The following BICD1 variants were observed in gnomAD, a reference collection of about 807,000 sequenced individuals.
BICD1 encodes the protein protein bicaudal D homolog 1.
Under a neutral mutation model 92.5 loss-of-function variants are expected in BICD1, and 35 were observed. The ratio of observed to expected loss-of-function variants is 0.38; its 90% CI spans 0.29 to 0.50. The LOEUF is 0.50. Among genes scored for constraint, BICD1 ranks in the 20% least tolerant of loss-of-function variants. BICD1 has a pLI of 0.93. For missense variants in BICD1, 950 were observed against 1,189.8 expected (o/e 0.80, Z 2.97); for synonymous variants, 429 against 465.1 (o/e 0.92, Z 1.00).
intron 8 of BICD1, among the ~76,000 whole-genome samples, chr12:32,359,397 G>C (rs1315223850): frequency 6.6e-6 from 1 of 152,086 alleles, no homozygotes; most frequent in Non-Finnish European, 1.5e-5. Flanking sequence ...TCTTGCTGGT[G>C]GGGACTCTGC....
At chr12:32,255,901 TAATC>T (rs1324194974) in intron 2 of BICD1, among the ~76,000 whole-genome samples, 2 of 152,208 alleles carry the variant, frequency 1.3e-5, no homozygotes, top group African/African-American at 4.8e-5. Context: ...ATATTACCCT[TAATC>T]AATGTTGACT....
At chr12:32,137,288 C>G in intron 1 of BICD1, among the ~76,000 whole-genome samples, 1 of 152,112 alleles carries the variant, frequency 6.6e-6, no homozygotes, top group East Asian at 1.9e-4. Flanking sequence ...AGGGTTTTGC[C>G]GTGTTTGCCA....
chr12:32,225,023 C>A (rs78761591), intron 2 of BICD1, among the ~76,000 whole-genome samples: 10,943 of 152,196 alleles, frequency 0.072, 445 homozygotes, highest in Middle Eastern at 0.12. Context: ...TAAATAGATT[C>A]ATATAGCCAC....
intron 1 of BICD1, among the ~76,000 whole-genome samples, chr12:32,144,725 T>C (rs1235419960): frequency 1.3e-5 from 2 of 152,242 alleles, no homozygotes; most frequent in African/African-American, 2.4e-5. Context: ...ACCTTTTATA[T>C]AGCAAGTTAA....
chr12:32,337,912 GAAGCA>G lies in BICD1; in HGVS notation c.2570+99_2570+103del, dbSNP rs767510760. On this transcript the variant is annotated intron_variant, in intron 7 of 9. Transcript: ENST00000652176. This position sits in a 1 kb window ranked among gnomAD's most constrained non-coding sequence, Gnocchi z 4.7. The stretch of plus-strand genomic sequence containing the variant: ...TCTTGTTGTGGAGGATGGAGGAGGG[GAAGCA>G]AAAGAAAAAATGGGAGCTGGCATAT... 3.2e-5 allele frequency: 45 copies of G among 1,398,996 alleles called. No homozygotes were observed. The highest frequency in any genetic ancestry group is 5.0e-5 in the South Asian group (4 of 79,682). 86.7% of individuals were successfully genotyped at this position (1,398,996 alleles called of 1,614,324 possible).
intron 1 of BICD1, among the ~76,000 whole-genome samples, chr12:32,130,343 A>ACAGG (rs1942497215): frequency 6.6e-6 from 1 of 152,016 alleles, no homozygotes; most frequent in Non-Finnish European, 1.5e-5. Context: ...AGCTGGGACT[A>ACAGG]CAGGCGCCTG....
intron 1 of BICD1, among the ~76,000 whole-genome samples, chr12:32,185,461 A>T (rs1471531180): frequency 6.6e-6 from 1 of 152,196 alleles, no homozygotes; most frequent in African/African-American, 2.4e-5. Flanking sequence ...ACACTATTCC[A>T]TGTCACTGTC....
At chr12:32,287,299 T>A (rs79042627) in intron 2 of BICD1, among the ~76,000 whole-genome samples, 2,191 of 152,292 alleles carry the variant, frequency 0.014, 47 homozygotes, top group African/African-American at 0.05. Flanking sequence ...ATAGTTTTTT[T>A]AAATTATATC....
chr12:32,227,706 C>G (rs1283330240), intron 2 of BICD1: 1 of 162,788 alleles, frequency 6.1e-6, no homozygotes, highest in Middle Eastern at 2.4e-3. Flanking sequence ...TGGCAACTGG[C>G]AGAGGAAAGA....
chr12:32,118,987 G>C (rs548227515), intron 1 of BICD1, among the ~76,000 whole-genome samples: 1 of 152,312 alleles, frequency 6.6e-6, no homozygotes, highest in African/African-American at 2.4e-5. Flanking sequence ...TCAGTTGTGA[G>C]AGGTGCCATG....
intron 4 of BICD1, 70 bp downstream of exon 4, chr12:32,306,192 T>C: frequency 1.5e-6 from 2 of 1,359,570 alleles, no homozygotes; most frequent in Non-Finnish European, 2.0e-6. Context: ...GTGGGACTTC[T>C]GATTCTCGCA....
chr12:32,284,134 T>A (rs1947495029), intron 2 of BICD1, among the ~76,000 whole-genome samples: 1 of 151,904 alleles, frequency 6.6e-6, no homozygotes, highest in Non-Finnish European at 1.5e-5. Flanking sequence ...AAAAGAAGAG[T>A]TCATTTTTGG....
chr12:32,134,495 A>G lies in BICD1; in HGVS notation c.213+26951A>G, dbSNP rs186008804. The stretch of plus-strand genomic sequence containing the variant: ...AGAGGTCAACTTAATATAAAAAAAG[A>G]CCTTCTCTAATGTCTAAGAGCAGAG... On this transcript the variant is annotated intron_variant, in intron 1 of 9. Transcript: ENST00000652176. 1.3e-4 allele frequency among the ~76,000 whole-genome samples: 20 copies of G among 152,324 alleles called. No individual in the cohort carries two copies. In the East Asian group the frequency reaches 2.1e-3, roughly 16 times the overall value.
chr12:32,220,429 C>A (rs559265429), intron 2 of BICD1, among the ~76,000 whole-genome samples: 15 of 152,216 alleles, frequency 9.9e-5, no homozygotes, highest in Non-Finnish European at 2.2e-4. Flanking sequence ...AAAAAGTGGG[C>A]GAAGGACATG....
At chr12:32,295,082 GAAAAAAAA>G (rs10647988) in intron 3 of BICD1, among the ~76,000 whole-genome samples, 7 of 103,496 alleles carry the variant, frequency 6.8e-5, no homozygotes, top group Admixed American at 3.4e-4. Context: ...ATTCCGTCTC[GAAAAAAAA>G]AAAAAAAAAG....
At chr12:32,345,788 A>G (rs188875233) in intron 8 of BICD1, among the ~76,000 whole-genome samples, 1 of 152,264 alleles carries the variant, frequency 6.6e-6, no homozygotes, top group Non-Finnish European at 1.5e-5. Context: ...AGAACTATTC[A>G]ATAGAAATAT....
intron 2 of BICD1, among the ~76,000 whole-genome samples, chr12:32,234,674 T>TC (rs1195243971): frequency 1.4e-4 from 20 of 147,024 alleles, no homozygotes; most frequent in Non-Finnish European, 2.6e-4. Flanking sequence ...TTTCTTTCTT[T>TC]TTTTTTTTTT....
At chr12:32,236,352 G>GCA (rs1946073483) in intron 2 of BICD1, among the ~76,000 whole-genome samples, 1 of 151,884 alleles carries the variant, frequency 6.6e-6, no homozygotes, top group Non-Finnish European at 1.5e-5. Context: ...CCAAGATCAT[G>GCA]CCACTGCACT....
At chr12:32,117,077 G>C (rs1182467021) in intron 1 of BICD1, among the ~76,000 whole-genome samples, 6 of 152,170 alleles carry the variant, frequency 3.9e-5, no homozygotes, top group African/African-American at 1.4e-4. Context: ...CTGGGAGCCA[G>C]ATTTTGGATC....
Sources: allele counts gnomAD v4.1 joint callset (sites outside exome capture counted in the v4.1 genomes callset), GRCh38; gene constraint gnomAD v4.1.1; non-coding constraint Gnocchi (gnomAD v3.1); transcripts MANE v1.5; gene names NCBI Gene and HGNC (gene_info 2026-07-23, HGNC 2026-07-21).